Variants in STAT3 observed in about 807,000 individuals in gnomAD.
STAT3 encodes DNA-binding protein APRF.
Under a neutral mutation model 114.3 loss-of-function variants are expected in STAT3, and 7 were observed. The observed-to-expected ratio is 0.06, with a 90% CI of 0.03 to 0.11. The LOEUF is 0.11. Ranked by LOEUF, STAT3 falls within the 10% of genes least tolerant of loss-of-function variation. The probability of loss-of-function intolerance (pLI) is 1.00; values close to 1 mark genes in which losing one functional copy is unlikely to be tolerated. For missense variants in STAT3, 364 were observed against 960.9 expected (o/e 0.38, Z 8.21); for synonymous variants, 331 against 354.5 (o/e 0.93, Z 0.74).
chr17:42,388,032 G>A (rs2085208324), intron 1 of STAT3: 5 of 417,350 alleles, frequency 1.2e-5, no homozygotes, highest in Non-Finnish European at 2.0e-5. Flanking sequence ...GCCCCACGGT[G>A]CCCCCTCGAG....
At chr17:42,363,703 C>A (rs1404208758) in intron 1 of STAT3, among the ~76,000 whole-genome samples, 1 of 151,548 alleles carries the variant, frequency 6.6e-6, no homozygotes, top group Non-Finnish European at 1.5e-5. Context: ...CCTCCTACCT[C>A]GGCCTCCCAA....
chr17:42,323,644 G>A lies in STAT3; in HGVS notation c.1601-19C>T, dbSNP rs150919309. 9 of 1,613,212 alleles carry A rather than the reference G, an allele frequency of 5.6e-6. No homozygotes were observed. In the African/African-American group the frequency reaches 9.3e-5, roughly 17 times the overall value. ...CCAGGTCCTGAAGGAAAGAAAAAGAGTCAAGTAGTACATTTTCAGCTTGGG... is the reference window on the plus strand; with the variant it reads ...CCAGGTCCTGAAGGAAAGAAAAAGAATCAAGTAGTACATTTTCAGCTTGGG... On this transcript the variant is annotated intron_variant, in intron 17 of 23. Coordinates refer to ENST00000264657, the MANE Select transcript of STAT3 (RefSeq NM_139276.3).
chr17:42,370,553 C>T (rs993391922), intron 1 of STAT3, among the ~76,000 whole-genome samples: 3 of 152,006 alleles, frequency 2.0e-5, no homozygotes, highest in South Asian at 2.1e-4. Flanking sequence ...CGTGAGCCAC[C>T]GCGCCCAGCC....
At chr17:42,335,130 T>C (rs2082178689) in intron 8 of STAT3, among the ~76,000 whole-genome samples, 1 of 120,112 alleles carries the variant, frequency 8.3e-6, no homozygotes, top group African/African-American at 5.6e-5. Context: ...TCTTTCTTTC[T>C]TTTTTTTTTT....
At chr17:42,317,827 C>T (rs1287908763) in intron 21 of STAT3, among the ~76,000 whole-genome samples, 1 of 152,176 alleles carries the variant, frequency 6.6e-6, no homozygotes, top group Non-Finnish European at 1.5e-5. Context: ...AATCAAAAAG[C>T]ACCAAAGAGA....
intron 1 of STAT3, among the ~76,000 whole-genome samples, chr17:42,373,854 C>T (rs866689969): frequency 6.7e-6 from 1 of 148,586 alleles, no homozygotes; most frequent in African/African-American, 2.5e-5. Flanking sequence ...CACTACACTC[C>T]AGCCTGGGCA....
chr17:42,362,369 A>G (rs1284548339), intron 1 of STAT3, among the ~76,000 whole-genome samples: 1 of 152,202 alleles, frequency 6.6e-6, no homozygotes, highest in Non-Finnish European at 1.5e-5. Context: ...GCCAAAATGC[A>G]TAGGGGGCCA....
Position 42,337,686 on chromosome 17 carries a change from C to G in STAT3, c.645+77G>C. 1 of 1,613,062 alleles carries G rather than the reference C, an allele frequency of 6.2e-7. No individual in the cohort carries two copies. Among genetic ancestry groups the G allele is most frequent in the Non-Finnish European group, 8.5e-7 (1 of 1,179,114 alleles). ...GAGCAGGAACTTCTTAGAAACCAAGCAAGTTCTGCCACAAGACGCTGAAAT... is the reference window on the plus strand; with the variant it reads ...GAGCAGGAACTTCTTAGAAACCAAGGAAGTTCTGCCACAAGACGCTGAAAT... On this transcript the variant is annotated intron_variant, in intron 7 of 23. Coordinates refer to ENST00000264657, the MANE Select transcript of STAT3 (RefSeq NM_139276.3). The surrounding 1 kb of genome is among the most constrained non-coding windows in gnomAD (Gnocchi z 4.0).
At position 42,356,980 on chromosome 17, in the gene STAT3, G is replaced by A. The variant is rs182671233; in HGVS notation, c.-23-8441C>T. ...TTTTTGTATTTTTAGTAGAGACGGC[G>A]CTTCACCATGTTGGCCAGGCTTGTC... On this transcript the variant is annotated intron_variant, in intron 1 of 23. Coordinates refer to ENST00000264657, the MANE Select transcript of STAT3 (RefSeq NM_139276.3). Among the ~76,000 whole-genome samples, 29 of 151,988 alleles carry A rather than the reference G, an allele frequency of 1.9e-4. No homozygotes were observed. In the East Asian group the frequency reaches 4.8e-3, roughly 25 times the overall value.
chr17:42,383,337 A>G (rs1386790234), intron 1 of STAT3, among the ~76,000 whole-genome samples: 4 of 150,236 alleles, frequency 2.7e-5, no homozygotes, highest in African/African-American at 9.8e-5. Flanking sequence ...GATTACAGGC[A>G]TCAGCCACCA....
At position 42,323,360 on chromosome 17, in the gene STAT3, G is replaced by A. The variant is rs2144698321; in HGVS notation, c.1654-6C>T. 6.2e-7 allele frequency: 1 copy of A among 1,614,124 alleles called. No individual in the cohort carries two copies. The highest frequency in any genetic ancestry group is 8.5e-7 in the Non-Finnish European group (1 of 1,179,984). On this transcript the variant is annotated splice_polypyrimidine_tract_variant and splice_region_variant and intron_variant, in intron 18 of 23. Coordinates refer to ENST00000264657, the MANE Select transcript of STAT3 (RefSeq NM_139276.3). ...CCCTTGCCAGCCATGTTTTCCTGGA[G>A]AAAAGAGTAATGGGAAAGCCAAGTC...
rs1377043869 is a variant in STAT3, at chr17:42,375,961, G to A, written c.-24+12318C>T. Among the ~76,000 whole-genome samples the A allele has an allele frequency of 4.6e-5, 7 of 151,910 alleles. No homozygotes were observed. In the East Asian group the frequency reaches 1.4e-3, roughly 29 times the overall value. On this transcript the variant is annotated intron_variant, in intron 1 of 23. Transcript: ENST00000264657. ...AGGTCAGGAGTTCAAGATCAGCCTG[G>A]CCAACATGGTAAAACCCTGTCTCTA...
In STAT3 at chr17:42,315,558, A is replaced by C; in HGVS notation, c.*187T>G. 6.1e-6 allele frequency: 4 copies of C among 652,800 alleles called. No homozygotes were observed. 40.4% of individuals were successfully genotyped at this position (652,800 alleles called of 1,614,324 possible). On this transcript the variant is annotated 3_prime_UTR_variant, in exon 24 of 24. Coordinates refer to ENST00000264657, the MANE Select transcript of STAT3 (RefSeq NM_139276.3). Reference sequence around the variant, plus strand: ...ATTTAGATAAAAGCAGATCACCCACATTCACTCATTTCTCTATTTTTAAAA... The same window carrying C: ...ATTTAGATAAAAGCAGATCACCCACCTTCACTCATTTCTCTATTTTTAAAA...
chr17:42,316,038 A>G (rs2081235227), intron 23 of STAT3: 1 of 1,419,572 alleles, frequency 7.0e-7, no homozygotes, highest in Non-Finnish European at 9.2e-7. Context: ...ATGTTTACAG[A>G]AGCTCTAAGG....
At chr17:42,351,558 CT>C (rs936106190) in intron 1 of STAT3, among the ~76,000 whole-genome samples, 21 of 151,834 alleles carry the variant, frequency 1.4e-4, no homozygotes, top group African/African-American at 4.8e-4. Flanking sequence ...ACTTTACACT[CT>C]TTTTTTTGCT....
chr17:42,322,211 AT>A, intron 21 of STAT3, 70 bp downstream of exon 21: 1 of 1,459,846 alleles, frequency 6.9e-7, no homozygotes, highest in East Asian at 2.3e-5. Flanking sequence ...TTGCCTATCT[AT>A]CCTCCAAGGA....
chr17:42,338,611 C>A, intron 6 of STAT3, 120 bp downstream of exon 6: 2 of 914,638 alleles, frequency 2.2e-6, no homozygotes, highest in Admixed American at 1.9e-5. Context: ...TTTGAGGACC[C>A]GTACCTCCCT....
At position 42,324,860 on chromosome 17, in the gene STAT3, C is replaced by T. The variant is rs753899692; in HGVS notation, c.1465-14G>A. On this transcript the variant is annotated splice_polypyrimidine_tract_variant and intron_variant, in intron 16 of 23. Coordinates refer to ENST00000264657, the MANE Select transcript of STAT3 (RefSeq NM_139276.3). This position sits in a 1 kb window ranked among gnomAD's most constrained non-coding sequence, Gnocchi z 4.5. The stretch of plus-strand genomic sequence containing the variant: ...AAAGTTTACATTCTATTGGAAAGAA[C>T]ACATTTGCTTGTTTAGATGAGGGAT... 35 of 1,614,050 alleles carry T rather than the reference C, an allele frequency of 2.2e-5. No individual in the cohort carries two copies. The highest frequency in any genetic ancestry group is 2.7e-5 in the Non-Finnish European group (32 of 1,180,048).
intron 1 of STAT3, among the ~76,000 whole-genome samples, chr17:42,379,268 G>T (rs188925456): frequency 6.6e-6 from 1 of 152,276 alleles, no homozygotes; most frequent in East Asian, 1.9e-4. Flanking sequence ...CAGGAAAAAA[G>T]AAAAGCACTG....
Sources: gnomAD v4.1 joint callset for allele counts (sites outside exome capture counted in the v4.1 genomes callset) on GRCh38, gnomAD v4.1.1 for gene constraint, Gnocchi (gnomAD v3.1) non-coding constraint, MANE v1.5 for transcripts, NCBI Gene and HGNC (gene_info 2026-07-23, HGNC 2026-07-21) for gene names.